Variants in ZNF577 observed in about 807,000 individuals in gnomAD.
ZNF577 encodes zinc finger protein 577.
In ZNF577, 14 loss-of-function variants were observed where a neutral mutation model predicts 13.9. That is an observed-to-expected ratio of 1.00 (90% confidence interval 0.66 to 1.57). The LOEUF is 1.57. Among genes scored for constraint, ZNF577 ranks in the 40% most tolerant of loss-of-function variants. The pLI, the probability that ZNF577 is intolerant of heterozygous loss-of-function variation, is 0.00. For missense variants in ZNF577, 555 were observed against 579.2 expected (o/e 0.96, Z 0.43); for synonymous variants, 203 against 202.9 (o/e 1.00, Z 0.00).
At chr19:51,833,171 A>C (rs911394915) in intron 9 of ZNF577, among the ~76,000 whole-genome samples, 1 of 127,510 alleles carries the variant, frequency 7.8e-6, no homozygotes, top group Non-Finnish European at 1.7e-5. Flanking sequence ...CCAACTCCCA[A>C]CTTTATCTTC....
At chr19:51,886,347 C>T (rs988931487) in intron 1 of ZNF577, 2 of 152,184 alleles carry the variant, frequency 1.3e-5, no homozygotes, top group Non-Finnish European at 2.9e-5. Context: ...GACGAACTCA[C>T]ATCTAATTTT....
At position 51,873,397 on chromosome 19, in the gene ZNF577, T is replaced by C. The variant is rs1218538458; in HGVS notation, c.593A>G (p.Lys198Arg). 2.5e-6 allele frequency: 4 copies of C among 1,614,088 alleles called. No individual in the cohort carries two copies. In the Admixed American group the frequency reaches 5.0e-5, roughly 20 times the overall value. Residue 198 changes from lysine (K) to arginine (R), a missense_variant, in exon 6 of 6, where the codon AAG becomes AGG. Coordinates refer to ENST00000638348, the MANE Select transcript of ZNF577 (RefSeq NM_001370449.1). ...TCTCTGATGCTCAGTGAGCTGAATC[T>C]TCCTCATGAATGTTTTCCCACATTC... ...CGECGKTFMR[K>R]IQLTEHQRTH...
intron 9 of ZNF577, among the ~76,000 whole-genome samples, chr19:51,811,828 T>C (rs2084099060): frequency 6.6e-6 from 1 of 152,204 alleles, no homozygotes; most frequent in Admixed American, 6.5e-5. Flanking sequence ...GTGGGAGTAG[T>C]CGTGAGTTTG....
chr19:51,844,215 C>A (rs963105657), intron 6 of ZNF577, among the ~76,000 whole-genome samples: 1 of 152,094 alleles, frequency 6.6e-6, no homozygotes, highest in Non-Finnish European at 1.5e-5. Context: ...ATAATCTGCA[C>A]AATAACCCTT....
At chr19:51,863,744 T>C (rs2084529319), downstream of ZNF577, among the ~76,000 whole-genome samples, 1 of 152,174 alleles carries the variant, frequency 6.6e-6, no homozygotes, top group Non-Finnish European at 1.5e-5. Flanking sequence ...AAAACATACA[T>C]AGGGACACTA....
At chr19:51,828,384 GAAGAAA>G (rs1304692396) in intron 9 of ZNF577, among the ~76,000 whole-genome samples, 3 of 150,784 alleles carry the variant, frequency 2.0e-5, no homozygotes, top group East Asian at 1.9e-4. Context: ...AAAAAAAGGA[GAAGAAA>G]AAGAAAAAGA....
At chr19:51,833,472 T>C (rs979595335) in intron 9 of ZNF577, among the ~76,000 whole-genome samples, 6 of 152,324 alleles carry the variant, frequency 3.9e-5, no homozygotes, top group Admixed American at 2.6e-4. Flanking sequence ...TTTTTGCTTC[T>C]GTTCATGGAG....
At chr19:51,878,171 G>A in intron 4 of ZNF577, 2 of 313,366 alleles carry the variant, frequency 6.4e-6, no homozygotes, top group Non-Finnish European at 5.9e-6. Flanking sequence ...ACAGAAGGTA[G>A]TGTTGGTGGC....
At chr19:51,883,638 T>C (rs2084898893) in intron 1 of ZNF577, among the ~76,000 whole-genome samples, 1 of 151,898 alleles carries the variant, frequency 6.6e-6, no homozygotes, top group African/African-American at 2.4e-5. Context: ...GGAGCTGTTA[T>C]AGAATTAAAG....
At chr19:51,853,560 G>C (rs1470634994) in intron 5 of ZNF577, among the ~76,000 whole-genome samples, 1 of 152,278 alleles carries the variant, frequency 6.6e-6, no homozygotes, top group Non-Finnish European at 1.5e-5. Context: ...CCAATCTAGA[G>C]GATAACGGCT....
chr19:51,861,891 G>A (rs2084506877), intron 5 of ZNF577: 1 of 152,292 alleles, frequency 6.6e-6, no homozygotes, highest in Non-Finnish European at 1.5e-5. Flanking sequence ...CATTTGAGGA[G>A]TTTCTCACCT....
At chr19:51,820,976 G>A (rs527584550) in intron 9 of ZNF577, among the ~76,000 whole-genome samples, 124 of 152,308 alleles carry the variant, frequency 8.1e-4, no homozygotes, top group African/African-American at 2.9e-3. Flanking sequence ...ATGTTCATAA[G>A]TAGTAGCCAC....
At chr19:51,857,413 A>G (rs1221468693) in intron 5 of ZNF577, among the ~76,000 whole-genome samples, 14 of 108,686 alleles carry the variant, frequency 1.3e-4, no homozygotes, top group Non-Finnish European at 2.5e-4. Flanking sequence ...AAAGAAAGAA[A>G]GAAAGAAAGA....
chr19:51,883,595 A>T (rs911197225), intron 1 of ZNF577, among the ~76,000 whole-genome samples: 1 of 150,876 alleles, frequency 6.6e-6, no homozygotes, highest in African/African-American at 2.5e-5. Flanking sequence ...ATGAAGAGGC[A>T]TGAGGGCAAA....
Position 51,880,404 on chromosome 19 carries a change from G to T in ZNF577, c.-19-3C>A, listed in dbSNP as rs573124584. The T allele has an allele frequency of 1.6e-5, 26 of 1,612,906 alleles. No individual in the cohort carries two copies. The South Asian group carries it at 2.7e-4, about 17-fold the overall frequency. On this transcript the variant is annotated splice_polypyrimidine_tract_variant and splice_region_variant and intron_variant, in intron 2 of 5. Coordinates refer to ENST00000638348, the MANE Select transcript of ZNF577 (RefSeq NM_001370449.1). ...TCATGTGTTTCCTGTTATTTCAGCT[G>T]CCAAAAAAAAGGAGACACAGTTTAA... is the stretch of plus-strand genomic sequence containing the variant.
chr19:51,857,428 A>AAGAAAGAAAG (rs1364320838), intron 5 of ZNF577, among the ~76,000 whole-genome samples: 1 of 146,934 alleles, frequency 6.8e-6, no homozygotes, highest in Non-Finnish European at 1.5e-5. Flanking sequence ...GAAAGAAAGA[A>AAGAAAGAAAG]AAGAAAAAAC....
chr19:51,878,569 G>A lies in ZNF577; in HGVS notation c.61-54C>T, dbSNP rs895058936. ...GGTGGATAACAATAGATGATGCGGA[G>A]AAGAGGGACGGGGACATGTCTTGAT... On this transcript the variant is annotated intron_variant, in intron 3 of 5. Coordinates refer to ENST00000638348, the MANE Select transcript of ZNF577 (RefSeq NM_001370449.1). 3.7e-6 allele frequency: 6 copies of A among 1,602,934 alleles called. No homozygotes were observed. In the Admixed American group the frequency reaches 6.7e-5, roughly 18 times the overall value.
chr19:51,822,829 T>C (rs1461816164), intron 9 of ZNF577, among the ~76,000 whole-genome samples: 1 of 152,172 alleles, frequency 6.6e-6, no homozygotes, highest in Non-Finnish European at 1.5e-5. Flanking sequence ...TGACTTCATC[T>C]AGCACAGAAT....
chr19:51,852,314 C>T (rs553095591), intron 5 of ZNF577, among the ~76,000 whole-genome samples: 10 of 152,276 alleles, frequency 6.6e-5, no homozygotes, highest in African/African-American at 2.2e-4. Context: ...AATTGCAACC[C>T]ACCTTTTCTG....
Sources: allele counts gnomAD v4.1 joint callset (sites outside exome capture counted in the v4.1 genomes callset), GRCh38; gene constraint gnomAD v4.1.1; transcripts MANE v1.5; gene names NCBI Gene and HGNC (gene_info 2026-07-23, HGNC 2026-07-21).